NRXN1: variants seen among roughly 807,000 people sequenced by gnomAD.
The protein encoded by NRXN1 is neurexin 1.
Under a neutral mutation model 150.9 loss-of-function variants are expected in NRXN1, and 39 were observed. The ratio of observed to expected loss-of-function variants is 0.26; its 90% CI spans 0.20 to 0.34. The LOEUF is 0.34. Among genes scored for constraint, NRXN1 ranks in the 10% least tolerant of loss-of-function variants. The pLI, the probability that NRXN1 is intolerant of heterozygous loss-of-function variation, is 1.00. For synonymous variants in NRXN1, 924 were observed against 757.0 expected (o/e 1.22, Z -3.62); for missense variants, 1,815 against 1,949.9 (o/e 0.93, Z 1.30).
intron 2 of NRXN1, chr2:50,979,291 AACTTCCTC>A: frequency 1.9e-6 from 1 of 518,042 alleles, no homozygotes. Flanking sequence ...AGGAAGAGAG[AACTTCCTC>A]ACCCATGGAC....
chr2:50,685,491 A>C (rs367992244), intron 5 of NRXN1, among the ~76,000 whole-genome samples: 1 of 152,254 alleles, frequency 6.6e-6, no homozygotes, highest in East Asian at 1.9e-4. Context: ...TCCATTGCTA[A>C]GGCTTGAAAA....
chr2:50,523,434 C>T (rs1364330865), intron 12 of NRXN1, among the ~76,000 whole-genome samples: 5 of 152,108 alleles, frequency 3.3e-5, no homozygotes, highest in Non-Finnish European at 7.4e-5. Context: ...AGGCATCAAG[C>T]AGCGACTCTA....
chr2:50,056,477 A>C (rs1270316615), intron 19 of NRXN1, among the ~76,000 whole-genome samples: 2 of 152,172 alleles, frequency 1.3e-5, no homozygotes, highest in Non-Finnish European at 2.9e-5. Flanking sequence ...AGTTTAATGA[A>C]AACATTAATA....
At chr2:50,281,682 C>A (rs961939041) in intron 17 of NRXN1, among the ~76,000 whole-genome samples, 2 of 152,012 alleles carry the variant, frequency 1.3e-5, no homozygotes, top group African/African-American at 4.8e-5. Flanking sequence ...TAAACTGTTC[C>A]CAATTAATTC....
At chr2:50,904,019 G>C (rs1683314858) in intron 5 of NRXN1, among the ~76,000 whole-genome samples, 1 of 152,276 alleles carries the variant, frequency 6.6e-6, no homozygotes, top group East Asian at 1.9e-4. Flanking sequence ...CTATGTCTCT[G>C]CTGGAATCAG....
intron 21 of NRXN1, among the ~76,000 whole-genome samples, chr2:50,026,854 CTTTTCTTTTTTTTTTTTTTTTTT>C (rs1558721534): frequency 2.0e-5 from 1 of 49,132 alleles, no homozygotes; most frequent in African/African-American, 9.9e-5. Context: ...TAAGTCTTTT[CTTTTCTTTTTTTTTTTTTTTTTT>C]TTTTTTTTTT....
chr2:50,204,090 T>C (rs1009259951), intron 18 of NRXN1, among the ~76,000 whole-genome samples: 3 of 152,196 alleles, frequency 2.0e-5, no homozygotes, highest in Non-Finnish European at 2.9e-5. Context: ...CACCATGGAA[T>C]AGTAACTTCC....
At chr2:50,441,955 G>A (rs1454251598) in intron 17 of NRXN1, among the ~76,000 whole-genome samples, 1 of 152,132 alleles carries the variant, frequency 6.6e-6, no homozygotes, top group African/African-American at 2.4e-5. Flanking sequence ...TCCAAGCACT[G>A]TTATATGTTT....
chr2:50,622,440 A>G (rs1024335133), intron 6 of NRXN1, among the ~76,000 whole-genome samples: 1 of 152,192 alleles, frequency 6.6e-6, no homozygotes, highest in Non-Finnish European at 1.5e-5. Context: ...TAAGATCAGC[A>G]TGTACGGCAA....
intron 21 of NRXN1, among the ~76,000 whole-genome samples, chr2:50,011,711 T>C (rs990882134): frequency 2.6e-5 from 4 of 152,068 alleles, no homozygotes; most frequent in African/African-American, 9.7e-5. Flanking sequence ...GGAAGGTGTA[T>C]GAAGCCAAAA....
chr2:50,894,520 T>C (rs954473669), intron 5 of NRXN1, among the ~76,000 whole-genome samples: 1 of 151,976 alleles, frequency 6.6e-6, no homozygotes, highest in Non-Finnish European at 1.5e-5. Context: ...ACTTAATTAA[T>C]ATATTCTATA....
Position 50,664,440 on chromosome 2 carries a change from G to GTGTGT in NRXN1, c.833-40826_833-40825insACACA, listed in dbSNP as rs1355580575. The stretch of plus-strand genomic sequence containing the variant: ...GTGTGTGTGTGTGTGTGTGTGTGTG[G>GTGTGT]CGTGGCGGGGGCGGGTGGGTAGAAG... On this transcript the variant is annotated intron_variant, in intron 5 of 22. Coordinates refer to ENST00000401669, the MANE Select transcript of NRXN1 (RefSeq NM_001330078.2). Among the ~76,000 whole-genome samples, 14 of 118,390 alleles carry GTGTGT rather than the reference G, an allele frequency of 1.2e-4. 1 individual carries two copies. Among genetic ancestry groups the GTGTGT allele is most frequent in the African/African-American group, 4.0e-4 (13 of 32,694 alleles). The allele number at this position is 118,390 out of a possible 152,430, so 77.7% of individuals were successfully genotyped here.
chr2:50,938,586 G>A (rs1483203359), intron 2 of NRXN1, among the ~76,000 whole-genome samples: 1 of 152,068 alleles, frequency 6.6e-6, no homozygotes, highest in Non-Finnish European at 1.5e-5. Flanking sequence ...TCAATTTTCT[G>A]TATTAGTCTG....
chr2:50,544,299 T>A (rs1387316563), intron 9 of NRXN1, among the ~76,000 whole-genome samples: 2 of 152,048 alleles, frequency 1.3e-5, no homozygotes, highest in African/African-American at 4.8e-5. Flanking sequence ...ATAATTATCA[T>A]AAAATAATTT....
At chr2:50,382,323 T>C (rs570306831) in intron 17 of NRXN1, among the ~76,000 whole-genome samples, 151 of 152,310 alleles carry the variant, frequency 9.9e-4, no homozygotes, top group African/African-American at 3.3e-3. Flanking sequence ...GAAATAAGAA[T>C]AGTCTTCTCA....
At chr2:49,965,457 G>A (rs907149623) in intron 21 of NRXN1, among the ~76,000 whole-genome samples, 3 of 149,526 alleles carry the variant, frequency 2.0e-5, no homozygotes, top group Non-Finnish European at 3.0e-5. Context: ...TAGTAGAGAC[G>A]GGGTTTCACC....
intron 2 of NRXN1, among the ~76,000 whole-genome samples, chr2:50,929,541 C>G (rs893461841): frequency 2.0e-5 from 3 of 151,938 alleles, no homozygotes; most frequent in Non-Finnish European, 2.9e-5. Context: ...TCCTTGATTC[C>G]CTCTCTCCTC....
intron 5 of NRXN1, among the ~76,000 whole-genome samples, chr2:50,685,830 G>C (rs17039337): frequency 6.6e-6 from 1 of 152,004 alleles, no homozygotes; most frequent in African/African-American, 2.4e-5. Context: ...TTTGCACCTG[G>C]AAAATCATAG....
rs1337139117 is a variant in NRXN1 at position 50,167,553 on chromosome 2, TA to T, written c.3546+69235del. On this transcript the variant is annotated intron_variant, in intron 18 of 22. Transcript: ENST00000401669. ...ATGCCTTTTCCTAAGGAGAAACTGTTAAAAAAAAAAAACAACCTGATTATCA... is the reference window on the plus strand; with the variant it reads ...ATGCCTTTTCCTAAGGAGAAACTGTTAAAAAAAAAAACAACCTGATTATCA... Among the ~76,000 whole-genome samples the T allele has an allele frequency of 1.6e-3, 223 of 139,804 alleles. 2 individuals carry two copies. Among genetic ancestry groups the T allele is most frequent in the South Asian group, 1.8e-3 (8 of 4,334 alleles). The allele number at this position is 139,804 out of a possible 152,430, so 91.7% of individuals were successfully genotyped here.
Sources: allele counts gnomAD v4.1 joint callset (sites outside exome capture counted in the v4.1 genomes callset), GRCh38; gene constraint gnomAD v4.1.1; transcripts MANE v1.5; gene names NCBI Gene and HGNC (gene_info 2026-07-23, HGNC 2026-07-21).